The following DNAH17 variants were observed in gnomAD, a reference collection of about 807,000 sequenced individuals.
The protein encoded by DNAH17 is axonemal beta dynein heavy chain 17.
In DNAH17, 376 loss-of-function variants were observed where a neutral mutation model predicts 485.6. The observed-to-expected ratio is 0.77, with a 90% CI of 0.71 to 0.84. The LOEUF (loss-of-function observed/expected upper bound fraction) is 0.84, where lower values mean the gene tolerates loss of function less well. Among genes scored for constraint, DNAH17 ranks in the 40% least tolerant of loss-of-function variants. DNAH17 has a pLI of 0.00. For synonymous variants in DNAH17, 3,031 were observed against 2,405.9 expected (o/e 1.26, Z -7.60); for missense variants, 6,370 against 5,839.3 (o/e 1.09, Z -2.96).
At chr17:78,490,563 T>C (rs1888836787) in intron 44 of DNAH17, 136 bp downstream of exon 44, 5 of 1,282,600 alleles carry the variant, frequency 3.9e-6, no homozygotes, top group Non-Finnish European at 5.3e-6. Flanking sequence ...TTCACTGCTG[T>C]GACACTGGTG....
intron 67 of DNAH17, 37 bp from the exon 68 acceptor site, chr17:78,450,431 G>C (rs2087497404): frequency 6.2e-7 from 1 of 1,610,196 alleles, no homozygotes; most frequent in Admixed American, 1.7e-5. Flanking sequence ...TGACACAGCA[G>C]ATGGGCAGTG....
chr17:78,516,833 C>T (rs2090798072), intron 25 of DNAH17, among the ~76,000 whole-genome samples: 1 of 152,142 alleles, frequency 6.6e-6, no homozygotes, highest in Non-Finnish European at 1.5e-5. Flanking sequence ...GTTTCTCCCC[C>T]TGTGTAAGAA....
rs1419404049 is a variant in DNAH17, at chr17:78,477,912, ACATCACCATCACCACCAT to A, written c.7992+1095_7992+1112del. On this transcript the variant is annotated intron_variant, in intron 51 of 80. Transcript: ENST00000389840. ...TATCATCACCACCATCATCATTACCACATCACCATCACCACCATCATCACCACCATCACCATTATCATC... is the reference window on the plus strand; with the variant it reads ...TATCATCACCACCATCATCATTACCACATCACCACCATCACCATTATCATC... Among the ~76,000 whole-genome samples, 180 of 147,940 alleles carry A rather than the reference ACATCACCATCACCACCAT, an allele frequency of 1.2e-3. 1 individual carries two copies. Among genetic ancestry groups the A allele is most frequent in the African/African-American group, 4.4e-3 (170 of 38,572 alleles).
At chr17:78,576,267 C>T (rs975836566) in intron 1 of DNAH17, among the ~76,000 whole-genome samples, 1 of 152,202 alleles carries the variant, frequency 6.6e-6, no homozygotes, top group African/African-American at 2.4e-5. Flanking sequence ...ACCCTGGCCA[C>T]TATATATCGG....
At chr17:78,431,175 G>A (rs1018737489) in intron 75 of DNAH17, among the ~76,000 whole-genome samples, 2 of 134,152 alleles carry the variant, frequency 1.5e-5, no homozygotes, top group East Asian at 2.2e-4. Flanking sequence ...CACTGCACTC[G>A]GCTTAGTCTC....
In DNAH17 at chr17:78,444,570, G is replaced by A. The variant is rs3816291; in HGVS notation, c.11528+34C>T. On this transcript the variant is annotated intron_variant, in intron 71 of 80. Transcript: ENST00000389840. ...CAAGCTTCCATCAGGCCTGGGCCTC[G>A]GGGGCGGGGCCCCCGGCGCGGCGGG... 0.081 allele frequency: 123,421 copies of A among 1,521,980 alleles called. 5,382 individuals carry two copies. The highest frequency in any genetic ancestry group is 0.11 in the Middle Eastern group (604 of 5,428). The allele number at this position is 1,521,980 out of a possible 1,614,324, so 94.3% of individuals were successfully genotyped here.
At chr17:78,516,623 G>C (rs2090788090) in intron 25 of DNAH17, among the ~76,000 whole-genome samples, 1 of 150,296 alleles carries the variant, frequency 6.7e-6, no homozygotes, top group South Asian at 2.1e-4. Context: ...CTGGGAGGCA[G>C]AGGTTGCAGC....
chr17:78,493,775 C>CA (rs1050382138), intron 41 of DNAH17, among the ~76,000 whole-genome samples: 2 of 152,226 alleles, frequency 1.3e-5, no homozygotes, highest in African/African-American at 4.8e-5. Flanking sequence ...TGACTGACGT[C>CA]AAGGAGAGAA....
rs763324057 is a variant in DNAH17 at position 78,486,307 on chromosome 17, G to C, written c.7018C>G (p.Pro2340Ala). The C allele has an allele frequency of 6.2e-7, 1 of 1,613,292 alleles. No individual in the cohort carries two copies. The highest frequency in any genetic ancestry group is 1.7e-5 in the Admixed American group (1 of 60,008). Reference sequence around the variant, plus strand: ...TCGTACAGCTCCCTGGGGGAGTCGGGGGGCACGGTCTTCTCCGTGAGCAGG... The same window carrying C: ...TCGTACAGCTCCCTGGGGGAGTCGGCGGGCACGGTCTTCTCCGTGAGCAGG... ...ECLLTEKTVP[P>A]DSPRELYELY... Residue 2340 changes from proline (P) to alanine (A), a missense_variant, in exon 45 of 81, where the codon CCC becomes GCC. Coordinates refer to ENST00000389840, the MANE Select transcript of DNAH17 (RefSeq NM_173628.4).
Position 78,499,168 on chromosome 17 carries a change from C to G in DNAH17, c.5641-56G>C, listed in dbSNP as rs117146460. On this transcript the variant is annotated intron_variant, in intron 36 of 80. Transcript: ENST00000389840. ...CTGGGAGGGTGACAGGGAGGGCGGGCGCTGCAGGGGCCTCCCCCTGCCTCT... is the reference window on the plus strand; with the variant it reads ...CTGGGAGGGTGACAGGGAGGGCGGGGGCTGCAGGGGCCTCCCCCTGCCTCT... The G allele has an allele frequency of 3.1e-6, 4 of 1,286,260 alleles. No homozygotes were observed. In the African/African-American group the frequency reaches 6.0e-5, roughly 19 times the overall value. The allele number at this position is 1,286,260 out of a possible 1,614,324, so 79.7% of individuals were successfully genotyped here.
chr17:78,459,222 C>T lies in DNAH17; in HGVS notation c.9654-14G>A, dbSNP rs776975934. 1 of 1,613,034 alleles carries T rather than the reference C, an allele frequency of 6.2e-7. No homozygotes were observed. Among genetic ancestry groups the T allele is most frequent in the South Asian group, 1.1e-5 (1 of 91,044 alleles). On this transcript the variant is annotated splice_polypyrimidine_tract_variant and intron_variant, in intron 60 of 80. Coordinates refer to ENST00000389840, the MANE Select transcript of DNAH17 (RefSeq NM_173628.4). ...CCTTGGTAGGGCCTAGCGAGGGAAC[C>T]AGAGGGCCGGAGTCGTCACCCTGTC...
intron 56 of DNAH17, among the ~76,000 whole-genome samples, chr17:78,466,193 G>C (rs928845365): frequency 2.0e-4 from 31 of 152,156 alleles, no homozygotes; most frequent in Non-Finnish European, 4.0e-4. Flanking sequence ...GATTAAGGGC[G>C]GTGCAAGATG....
intron 33 of DNAH17, chr17:78,502,221 C>T (rs1390081444): frequency 8.5e-6 from 3 of 351,188 alleles, no homozygotes; most frequent in African/African-American, 6.4e-5. Context: ...GCATAAGGGC[C>T]CTGCAGTGTC....
intron 5 of DNAH17, 97 bp downstream of exon 5, chr17:78,571,182 G>A: frequency 7.6e-7 from 1 of 1,313,178 alleles, no homozygotes; most frequent in Non-Finnish European, 1.1e-6. Context: ...CTCGCAGAGG[G>A]AGGCCAACAT....
intron 20 of DNAH17, among the ~76,000 whole-genome samples, chr17:78,531,622 G>A (rs911716996): frequency 2.0e-5 from 3 of 152,164 alleles, no homozygotes; most frequent in Non-Finnish European, 4.4e-5. Context: ...ACAGGCGTGA[G>A]CCACCACGCC....
In DNAH17 at chr17:78,571,653, CA is replaced by C. The variant is rs754550490; in HGVS notation, c.668del (p.Leu223ArgfsTer14). On this transcript the variant is annotated frameshift_variant, in exon 4 of 81. Coordinates refer to ENST00000389840, the MANE Select transcript of DNAH17 (RefSeq NM_173628.4). LOFTEE classifies it high-confidence loss of function. ...AQALLDGLHP[L>X]PQVEFEFWDT... is the part of the protein sequence containing the mutation. ...CCCAGAACTCGAACTCCACTTGGGG[CA>C]GGGGGTGCAGCCCATCCAGCAGCGC... 2 of 1,613,900 alleles carry C rather than the reference CA, an allele frequency of 1.2e-6. No individual in the cohort carries two copies. The highest frequency in any genetic ancestry group is 2.2e-5 in the East Asian group (1 of 44,896).
At position 78,510,469 on chromosome 17, in the gene DNAH17, T is replaced by C. The variant is rs1339624171; in HGVS notation, c.4151A>G (p.Asp1384Gly). 1.2e-6 allele frequency: 2 copies of C among 1,613,694 alleles called. No homozygotes were observed. Among genetic ancestry groups the C allele is most frequent in the African/African-American group, 1.3e-5 (1 of 74,890 alleles). Residue 1384 changes from aspartate to glycine, a missense_variant, in exon 27 of 81, where the codon GAT becomes GGT. Physicochemically the swap from Asp to Gly is moderately conservative, Grantham distance 94. Coordinates refer to ENST00000389840, the MANE Select transcript of DNAH17 (RefSeq NM_173628.4). ...ACTGTGGAGGTTCAGCTGCAGTAAA[T>C]CTGCCAGGGTCGTCTCTTCTGACAT... ...FKMSEETTLA[D>G]LLQLNLHSYE... is the part of the protein sequence containing the mutation.
intron 56 of DNAH17, among the ~76,000 whole-genome samples, chr17:78,464,319 G>A (rs1327703241): frequency 6.6e-6 from 1 of 152,170 alleles, no homozygotes; most frequent in East Asian, 1.9e-4. Context: ...GAGTGCAGTG[G>A]CACAATCTTG....
intron 2 of DNAH17, among the ~76,000 whole-genome samples, chr17:78,573,414 C>CA (rs1032255703): frequency 5.3e-5 from 8 of 152,028 alleles, no homozygotes; most frequent in African/African-American, 1.9e-4. Flanking sequence ...GCCTGGCCAA[C>CA]ATGGTGAAAC....
Sources: allele counts gnomAD v4.1 joint callset (sites outside exome capture counted in the v4.1 genomes callset), GRCh38; gene constraint gnomAD v4.1.1; transcripts MANE v1.5; gene names NCBI Gene and HGNC (gene_info 2026-07-23, HGNC 2026-07-21).